The following RPS6KC1 variants were observed in gnomAD, a reference collection of about 807,000 sequenced individuals.
RPS6KC1 encodes ribosomal protein S6 kinase C1, also known as inactive ribosomal protein S6 kinase delta-1.
In RPS6KC1, 54 loss-of-function variants were observed where a neutral mutation model predicts 103.8. The observed-to-expected ratio is 0.52, with a 90% CI of 0.42 to 0.65. The LOEUF (loss-of-function observed/expected upper bound fraction) is 0.65. Among genes scored for constraint, RPS6KC1 ranks in the 30% least tolerant of loss-of-function variants. The pLI is 0.00. For synonymous variants in RPS6KC1, 439 were observed against 438.7 expected (o/e 1.00, Z -0.01); for missense variants, 1,151 against 1,253.8 (o/e 0.92, Z 1.24).
chr1:213,510,706 C>T, the RPS6KC1 span, among the ~76,000 whole-genome samples: 2 of 152,148 alleles, frequency 1.3e-5, no homozygotes. Flanking sequence ...TTTGACTCTA[C>T]CCAGATCCTC....
chr1:213,766,385 A>G, the RPS6KC1 span, among the ~76,000 whole-genome samples: 1 of 152,206 alleles, frequency 6.6e-6, no homozygotes, highest in African/African-American at 2.4e-5. Flanking sequence ...CTTGTCATCA[A>G]GAGCACAAAC....
intron 4 of RPS6KC1, among the ~76,000 whole-genome samples, chr1:213,113,222 C>T (rs1572605616): frequency 1.3e-5 from 2 of 151,494 alleles, no homozygotes; most frequent in East Asian, 3.9e-4. Flanking sequence ...TCTCCAGCAC[C>T]TGTTGTTTCC....
At chr1:213,586,918 G>T in the RPS6KC1 span, among the ~76,000 whole-genome samples, 1 of 152,172 alleles carries the variant, frequency 6.6e-6, no homozygotes, top group South Asian at 2.1e-4. Flanking sequence ...TGCCAGCCAG[G>T]CTCAGGTCTC....
At chr1:213,748,288 C>G in the RPS6KC1 span, among the ~76,000 whole-genome samples, 1 of 152,162 alleles carries the variant, frequency 6.6e-6, no homozygotes, top group Admixed American at 6.5e-5. Flanking sequence ...TCTCTTTCCT[C>G]TTTTGTGCTT....
the RPS6KC1 span, among the ~76,000 whole-genome samples, chr1:213,697,039 T>A: frequency 2.0e-5 from 3 of 152,220 alleles, no homozygotes; most frequent in African/African-American, 7.2e-5. Context: ...TCCTCAGGTT[T>A]AATTAATTTG....
the RPS6KC1 span, among the ~76,000 whole-genome samples, chr1:213,377,052 G>A: frequency 6.6e-6 from 1 of 152,190 alleles, no homozygotes; most frequent in Non-Finnish European, 1.5e-5. Flanking sequence ...CTCTGGGAAG[G>A]TAAGTCTGGG....
the RPS6KC1 span, among the ~76,000 whole-genome samples, chr1:213,557,993 C>G: frequency 2.0e-5 from 3 of 152,212 alleles, no homozygotes; most frequent in East Asian, 5.8e-4. Flanking sequence ...GGAAAACTTT[C>G]TAGAAGGATG....
At chr1:213,088,719 C>A (rs1458876118) in intron 3 of RPS6KC1, among the ~76,000 whole-genome samples, 2 of 152,092 alleles carry the variant, frequency 1.3e-5, no homozygotes, top group Non-Finnish European at 2.9e-5. Context: ...TGTGTGGCTT[C>A]TGTCTCTTGA....
chr1:213,791,169 GA>G, the RPS6KC1 span, among the ~76,000 whole-genome samples: 31 of 144,116 alleles, frequency 2.2e-4, no homozygotes, highest in African/African-American at 6.0e-4. Context: ...CAGGACAAAA[GA>G]AAAAAAAAAG....
rs2094355959 is a variant in RPS6KC1, at chr1:213,241,654, G to A, written c.2178G>A (p.Leu726=). 1 of 1,613,682 alleles carries A rather than the reference G, an allele frequency of 6.2e-7. No individual in the cohort carries two copies. The highest frequency in any genetic ancestry group is 8.5e-7 in the Non-Finnish European group (1 of 1,179,932). Residue 726 remains leucine (L), a synonymous_variant, in exon 11 of 15, where the codon TTG becomes TTA. Transcript: ENST00000366960. ...TNIGIIENKL[L]EAPDVLCLRL... ...TAGGGATAATAGAAAATAAACTCTT[G>A]GAAGCCCCTGATGTTTTATGCCTCA... is the stretch of plus-strand genomic sequence containing the variant.
At chr1:213,099,344 T>G (rs1436332745) in intron 3 of RPS6KC1, among the ~76,000 whole-genome samples, 1 of 152,240 alleles carries the variant, frequency 6.6e-6, no homozygotes, top group African/African-American at 2.4e-5. Context: ...ATAGACAAGT[T>G]GAAAGATGTG....
chr1:213,389,316 A>C, the RPS6KC1 span, among the ~76,000 whole-genome samples: 2 of 152,142 alleles, frequency 1.3e-5, no homozygotes, highest in Non-Finnish European at 2.9e-5. Flanking sequence ...TTTTACTTGG[A>C]AAAAAAGGTC....
the RPS6KC1 span, among the ~76,000 whole-genome samples, chr1:213,390,707 G>A: frequency 2.0e-5 from 3 of 152,108 alleles, no homozygotes; most frequent in South Asian, 2.1e-4. Context: ...AAATTTTCTC[G>A]ACACAAACAA....
At chr1:213,452,173 G>C in the RPS6KC1 span, among the ~76,000 whole-genome samples, 1 of 152,040 alleles carries the variant, frequency 6.6e-6, no homozygotes, top group African/African-American at 2.4e-5. Context: ...TTCAGCAAAC[G>C]GGCCTGGGAA....
chr1:213,296,128 C>T, the RPS6KC1 span, among the ~76,000 whole-genome samples: 1 of 152,152 alleles, frequency 6.6e-6, no homozygotes, highest in African/African-American at 2.4e-5. Context: ...ATCAGAGTGG[C>T]CACTGAAGTT....
the RPS6KC1 span, among the ~76,000 whole-genome samples, chr1:213,776,358 A>G: frequency 1.3e-5 from 2 of 151,890 alleles, no homozygotes; most frequent in Non-Finnish European, 2.9e-5. Flanking sequence ...TCCTTGATCT[A>G]TGGGCTGCAG....
chr1:213,573,275 A>G, the RPS6KC1 span, among the ~76,000 whole-genome samples: 2 of 152,334 alleles, frequency 1.3e-5, no homozygotes, highest in Admixed American at 6.5e-5. Flanking sequence ...CAGGGCTTAT[A>G]GACACCTGGG....
At chr1:213,278,728 A>G (rs2095117250), downstream of RPS6KC1, among the ~76,000 whole-genome samples, 1 of 152,208 alleles carries the variant, frequency 6.6e-6, no homozygotes, top group Non-Finnish European at 1.5e-5. Flanking sequence ...GGAAAGAAAG[A>G]AGCATAAATA....
the RPS6KC1 span, among the ~76,000 whole-genome samples, chr1:213,699,875 C>A: frequency 6.6e-6 from 1 of 152,010 alleles, no homozygotes; most frequent in African/African-American, 2.4e-5. Context: ...AAATCTTTTG[C>A]CCATTTTTTG....
Sources: gnomAD v4.1 joint callset for allele counts (sites outside exome capture counted in the v4.1 genomes callset) on GRCh38, gnomAD v4.1.1 for gene constraint, MANE v1.5 for transcripts, NCBI Gene and HGNC (gene_info 2026-07-23, HGNC 2026-07-21) for gene names.